The following NTM variants were observed in gnomAD, a reference collection of about 807,000 sequenced individuals.
NTM encodes the protein IgLON family member 2.
A neutral mutation model predicts 42.1 loss-of-function variants in NTM; 13 were observed. That is an observed-to-expected ratio of 0.31 (90% CI 0.20 to 0.49). The LOEUF (loss-of-function observed/expected upper bound fraction) is 0.49, where lower values mean the gene tolerates loss of function less well. NTM is among the 20% of genes least tolerant of loss of function. NTM has a pLI of 0.99. For synonymous variants in NTM, 187 were observed against 179.2 expected, an observed-to-expected ratio of 1.04 and a Z score of -0.35; for missense variants, 373 against 452.8, an observed-to-expected ratio of 0.82 and a Z score of 1.60.
At chr11:131,669,281 T>C (rs541468131) in intron 1 of NTM, among the ~76,000 whole-genome samples, 3 of 151,570 alleles carry the variant, frequency 2.0e-5, no homozygotes, top group Admixed American at 6.6e-5. Flanking sequence ...GAAATAGAGG[T>C]TAAGAGGTCA....
intron 4 of NTM, among the ~76,000 whole-genome samples, chr11:132,277,823 A>T (rs1185807521): frequency 2.0e-5 from 3 of 151,614 alleles, no homozygotes; most frequent in South Asian, 2.1e-4. Context: ...ATCATGCTAA[A>T]ATATATATAT....
chr11:131,512,301 T>C (rs984263050), intron 1 of NTM, among the ~76,000 whole-genome samples: 22 of 152,300 alleles, frequency 1.4e-4, no homozygotes, highest in South Asian at 6.2e-4. Flanking sequence ...TTTCTGAATA[T>C]ATTTAAAATC....
chr11:131,998,541 G>C (rs1267164382), intron 2 of NTM, among the ~76,000 whole-genome samples: 3 of 152,140 alleles, frequency 2.0e-5, no homozygotes, highest in Middle Eastern at 3.2e-3. Flanking sequence ...CACGTAGCTG[G>C]TTGACTTTTT....
chr11:131,826,577 G>T (rs201881259), intron 1 of NTM, among the ~76,000 whole-genome samples: 1 of 118,594 alleles, frequency 8.4e-6, no homozygotes, highest in Non-Finnish European at 1.9e-5. Context: ...AAAAAAAAAA[G>T]TCAGAAAAAG....
In NTM at chr11:131,701,796, G is replaced by A. The variant is rs187652061; in HGVS notation, c.83-209768G>A. ...CTGTCTCTACTCCATCAGATGGAAG[G>A]CCAGGAAAGCCAAGGGAGGGGTGGA... On this transcript the variant is annotated intron_variant, in intron 1 of 8. Coordinates refer to ENST00000683400, the MANE Select transcript of NTM (RefSeq NM_001352005.2). Among the ~76,000 whole-genome samples, 4 of 152,272 alleles carry A rather than the reference G, an allele frequency of 2.6e-5. No homozygotes were observed. In the East Asian group the frequency reaches 7.7e-4, roughly 29 times the overall value.
At chr11:131,918,366 C>A (rs770770320) in intron 2 of NTM, among the ~76,000 whole-genome samples, 1 of 152,188 alleles carries the variant, frequency 6.6e-6, no homozygotes, top group Non-Finnish European at 1.5e-5. Context: ...CCACACCTTG[C>A]GTTCTTATGC....
intron 4 of NTM, among the ~76,000 whole-genome samples, chr11:132,256,001 C>T (rs979816845): frequency 2.6e-5 from 4 of 152,130 alleles, no homozygotes; most frequent in African/African-American, 4.8e-5. Flanking sequence ...ACCCAGTGAA[C>T]GTCCTCCTCC....
chr11:132,185,488 T>G (rs1047195258), intron 3 of NTM, among the ~76,000 whole-genome samples: 2 of 152,186 alleles, frequency 1.3e-5, no homozygotes, highest in African/African-American at 4.8e-5. Context: ...AAATTAGAGC[T>G]TGATGCCTTC....
At chr11:131,572,334 G>C (rs937310859) in intron 1 of NTM, among the ~76,000 whole-genome samples, 1 of 152,130 alleles carries the variant, frequency 6.6e-6, no homozygotes, top group Non-Finnish European at 1.5e-5. Flanking sequence ...TTCTGATACA[G>C]AGAACAATTT....
intron 2 of NTM, among the ~76,000 whole-genome samples, chr11:132,059,042 T>C (rs1178024150): frequency 6.6e-6 from 1 of 152,240 alleles, no homozygotes; most frequent in Non-Finnish European, 1.5e-5. Flanking sequence ...GATTATCCTT[T>C]CTAGCTTAAA....
chr11:131,460,420 A>G (rs565885516), intron 1 of NTM, among the ~76,000 whole-genome samples: 2 of 152,378 alleles, frequency 1.3e-5, no homozygotes, highest in South Asian at 4.1e-4. Flanking sequence ...TTATCTATAG[A>G]TGACATAATG....
intron 2 of NTM, among the ~76,000 whole-genome samples, chr11:132,134,331 A>AT (rs748595229): frequency 2.9e-4 from 44 of 151,826 alleles, no homozygotes; most frequent in Middle Eastern, 3.4e-3. Flanking sequence ...TTATTTATTT[A>AT]TTTTTTTATT....
chr11:131,520,926 A>G (rs1011712208), intron 1 of NTM, among the ~76,000 whole-genome samples: 1 of 152,192 alleles, frequency 6.6e-6, no homozygotes, highest in Non-Finnish European at 1.5e-5. Context: ...TGGCATCAGC[A>G]TTGGCTTCCG....
chr11:132,232,112 G>A (rs745992373), intron 4 of NTM, among the ~76,000 whole-genome samples: 3 of 152,328 alleles, frequency 2.0e-5, no homozygotes, highest in East Asian at 3.9e-4. Flanking sequence ...CTCTACCTGC[G>A]TCTCGCCTGG....
At chr11:131,510,780 G>T (rs2048127763) in intron 1 of NTM, among the ~76,000 whole-genome samples, 1 of 152,162 alleles carries the variant, frequency 6.6e-6, no homozygotes, top group Non-Finnish European at 1.5e-5. Flanking sequence ...CAAGGTTTGT[G>T]CCCCAGTTGG....
intron 2 of NTM, among the ~76,000 whole-genome samples, chr11:131,943,597 C>T (rs928736635): frequency 6.6e-6 from 1 of 152,226 alleles, no homozygotes; most frequent in Admixed American, 6.5e-5. Context: ...TTCTACTTCT[C>T]CGGCTCGTTT....
At chr11:131,479,219 A>G (rs1276853897) in intron 1 of NTM, among the ~76,000 whole-genome samples, 2 of 152,240 alleles carry the variant, frequency 1.3e-5, no homozygotes, top group Non-Finnish European at 2.9e-5. Flanking sequence ...GCTTGGAGAC[A>G]GAGAAAAATG....
At chr11:132,127,172 A>G (rs959798132) in intron 2 of NTM, among the ~76,000 whole-genome samples, 1 of 152,126 alleles carries the variant, frequency 6.6e-6, no homozygotes, top group Non-Finnish European at 1.5e-5. Flanking sequence ...AAAGGTGGTG[A>G]ATGAGGCAGA....
chr11:132,326,088 A>G (rs2095675195), intron 7 of NTM, among the ~76,000 whole-genome samples: 1 of 152,190 alleles, frequency 6.6e-6, no homozygotes, highest in South Asian at 2.1e-4. Flanking sequence ...TAATGGGTGC[A>G]GCACACCAAC....
Sources: allele counts gnomAD v4.1 joint callset (sites outside exome capture counted in the v4.1 genomes callset), GRCh38; gene constraint gnomAD v4.1.1; transcripts MANE v1.5; gene names NCBI Gene and HGNC (gene_info 2026-07-23, HGNC 2026-07-21).